Variants in DNAJB11 observed in about 807,000 individuals in gnomAD.
DNAJB11 encodes the protein dnaJ homolog subfamily B member 11.
A neutral mutation model predicts 47.2 loss-of-function variants in DNAJB11; 30 were observed. The ratio of observed to expected loss-of-function variants is 0.64; its 90% CI spans 0.48 to 0.86. The LOEUF (loss-of-function observed/expected upper bound fraction) is 0.86. Among genes scored for constraint, DNAJB11 ranks in the 40% least tolerant of loss-of-function variants. The pLI, the probability that DNAJB11 is intolerant of heterozygous loss-of-function variation, is 0.00. For missense variants in DNAJB11, 357 were observed against 440.2 expected (o/e 0.81, Z 1.69); for synonymous variants, 151 against 159.9 (o/e 0.94, Z 0.42).
At chr3:186,571,026 A>ACTGCTTTGGGGGGGGGGGGGGG in intron 1 of DNAJB11, 61 bp downstream of exon 1, 2 of 221,222 alleles carry the variant, frequency 9.0e-6, no homozygotes, top group African/African-American at 5.2e-5. Flanking sequence ...GGGGGGTGGG[A>ACTGCTTTGGGGGGGGGGGGGGG]GGGGGTGGGG....
intron 3 of DNAJB11, among the ~76,000 whole-genome samples, chr3:186,576,786 C>T (rs767086406): frequency 6.6e-6 from 1 of 152,104 alleles, no homozygotes; most frequent in Non-Finnish European, 1.5e-5. Context: ...ATCAATTTGG[C>T]TGGCTGAAGT....
Position 186,570,798 on chromosome 3 carries a change from G to A in DNAJB11, c.-100G>A, listed in dbSNP as rs1407612643. On this transcript the variant is annotated 5_prime_UTR_variant, in exon 1 of 10. In the 5' UTR this introduces an upstream ATG that the reference lacks. Transcript: ENST00000265028. ...CCAAGGAGACCCCCGCGCCCCCCCG[G>A]TGTGAGGCGGCCTCACAGGGCCGGG... is the stretch of plus-strand genomic sequence containing the variant. 1 of 1,112,366 alleles carries A rather than the reference G, an allele frequency of 9.0e-7. No homozygotes were observed. Among genetic ancestry groups the A allele is most frequent in the African/African-American group, 1.6e-5 (1 of 63,204 alleles). 68.9% of individuals were successfully genotyped at this position (1,112,366 alleles called of 1,614,324 possible).
intron 2 of DNAJB11, among the ~76,000 whole-genome samples, chr3:186,573,753 A>G (rs369839036): frequency 6.6e-6 from 1 of 152,122 alleles, no homozygotes; most frequent in African/African-American, 2.4e-5. Flanking sequence ...ATCCTAAATT[A>G]TATGTAATAT....
Position 186,577,456 on chromosome 3 carries a change from A to T in DNAJB11, c.324-212A>T, listed in dbSNP as rs547706918. 3.3e-5 allele frequency among the ~76,000 whole-genome samples: 5 copies of T among 152,298 alleles called. No homozygotes were observed. The South Asian group carries it at 1.0e-3, about 32-fold the overall frequency. On this transcript the variant is annotated intron_variant, in intron 3 of 9. Transcript: ENST00000265028. The stretch of plus-strand genomic sequence containing the variant: ...TTTGTTAAAAAGTGGATTTTTTTGT[A>T]GTAAGGGACCGTATAGTTACAACAT...
chr3:186,584,211 G>A lies in DNAJB11; in HGVS notation c.853-219G>A, dbSNP rs144054859. 2.0e-3 allele frequency among the ~76,000 whole-genome samples: 298 copies of A among 152,298 alleles called. 3 individuals are homozygous for A. The highest frequency in any genetic ancestry group is 6.8e-3 in the African/African-American group (284 of 41,568). ...TCTTGTCCTTATAGTTTCTATTGAC[G>A]AAAACCTTTCTTTGTTTACTTGTTT... On this transcript the variant is annotated intron_variant, in intron 8 of 9. Coordinates refer to ENST00000265028, the MANE Select transcript of DNAJB11 (RefSeq NM_016306.6).
chr3:186,584,703 C>T, intron 9 of DNAJB11, 114 bp downstream of exon 9: 1 of 1,087,014 alleles, frequency 9.2e-7, no homozygotes, highest in South Asian at 2.0e-5. Context: ...AGACATCAAT[C>T]ATTAATGCTA....
In DNAJB11 at chr3:186,583,899, T is replaced by C. The variant is rs1300342941; in HGVS notation, c.775T>C (p.Tyr259His). The stretch of plus-strand genomic sequence containing the variant: ...ATTTGAAAGGAGAGGAGATGATTTG[T>C]ACACAAATGTGACAATCTCATTAGT... Reference protein sequence around the residue: ...PIFERRGDDLYTNVTISLVES... With the variant: ...PIFERRGDDLHTNVTISLVES... Residue 259 changes from tyrosine to histidine, a missense_variant, in exon 8 of 10, where the codon TAC becomes CAC. Coordinates refer to ENST00000265028, the MANE Select transcript of DNAJB11 (RefSeq NM_016306.6). 6.2e-7 allele frequency: 1 copy of C among 1,613,662 alleles called. No homozygotes were observed. Among genetic ancestry groups the C allele is most frequent in the Non-Finnish European group, 8.5e-7 (1 of 1,179,578 alleles).
At chr3:186,571,580 A>G (rs1715057787) in intron 1 of DNAJB11, among the ~76,000 whole-genome samples, 1 of 152,180 alleles carries the variant, frequency 6.6e-6, no homozygotes, top group Non-Finnish European at 1.5e-5. Flanking sequence ...TTCTTGAGCT[A>G]TTTATTATCT....
At position 186,570,962 on chromosome 3, in the gene DNAJB11, C is replaced by A; in HGVS notation, c.65C>A (p.Ala22Asp). Residue 22 changes from alanine to aspartate, a missense_variant, in exon 1 of 10, where the codon GCC becomes GAC. Physicochemically the swap from Ala to Asp is moderately radical, Grantham distance 126. Transcript: ENST00000265028. ...CTATACCTCATCGGGGCGGTGATTG[C>A]CGGGTGAGGAACAGACACTCGCAGA... is the stretch of plus-strand genomic sequence containing the variant. Reference protein sequence around the residue: ...LLLYLIGAVIAGRDFYKILGV... With the variant: ...LLLYLIGAVIDGRDFYKILGV... 1 of 1,539,170 alleles carries A rather than the reference C, an allele frequency of 6.5e-7. No homozygotes were observed. The highest frequency in any genetic ancestry group is 8.8e-7 in the Non-Finnish European group (1 of 1,136,476).
intron 5 of DNAJB11, 118 bp from the exon 6 acceptor site, chr3:186,581,877 A>G: frequency 1.3e-6 from 1 of 795,194 alleles, no homozygotes; most frequent in Non-Finnish European, 2.0e-6. Flanking sequence ...TGTCAAGTAG[A>G]GGCACACTAC....
Position 186,582,051 on chromosome 3 carries a change from G to C in DNAJB11, c.656G>C (p.Gly219Ala), listed in dbSNP as rs370808915. 3 of 1,613,486 alleles carry C rather than the reference G, an allele frequency of 1.9e-6. No individual in the cohort carries two copies. The highest frequency in any genetic ancestry group is 2.5e-6 in the Non-Finnish European group (3 of 1,179,618). ...EVEIEPGVRD[G>A]MEYPFIGEGE... ...GAAATAGAGCCTGGGGTGAGAGACG[G>C]CATGGAGTACCCCTTTATTGGAGAA... is the stretch of plus-strand genomic sequence containing the variant. Residue 219 changes from glycine to alanine, a missense_variant, in exon 6 of 10, where the codon GGC becomes GCC. Transcript: ENST00000265028.
Position 186,577,741 on chromosome 3 carries a change from G to A in DNAJB11, c.397G>A (p.Asp133Asn), listed in dbSNP as rs1173606608. The A allele has an allele frequency of 6.2e-6, 10 of 1,608,746 alleles. No individual in the cohort carries two copies. Among genetic ancestry groups the A allele is most frequent in the Non-Finnish European group, 8.5e-6 (10 of 1,177,822 alleles). ...QQDRNIPRGS[D>N]IIVDLEVTLE... ...AGACAGAAATATTCCAAGAGGAAGT[G>A]ATATTATTGTAGATCTAGAAGTCAC... Residue 133 changes from aspartate to asparagine, a missense_variant, in exon 4 of 10, where the codon GAT (aspartate) becomes AAT (asparagine). By Grantham distance (23) the Asp-to-Asn change is conservative (BLOSUM62 1). Coordinates refer to ENST00000265028, the MANE Select transcript of DNAJB11 (RefSeq NM_016306.6).
intron 2 of DNAJB11, among the ~76,000 whole-genome samples, chr3:186,573,881 A>G (rs1007430089): frequency 1.3e-5 from 2 of 152,236 alleles, no homozygotes; most frequent in Non-Finnish European, 2.9e-5. Context: ...TGAATTTACC[A>G]TGCTCTCTAA....
chr3:186,575,396 T>C lies in DNAJB11; in HGVS notation c.226-444T>C, dbSNP rs1715253768. ...GTGTGTGTGTGTGTGTGTGTGTCTG[T>C]GTGTGTGTGTTTTGGGTAGGGGGTG... On this transcript the variant is annotated intron_variant, in intron 2 of 9. Coordinates refer to ENST00000265028, the MANE Select transcript of DNAJB11 (RefSeq NM_016306.6). Among the ~76,000 whole-genome samples the C allele has an allele frequency of 2.6e-5, 4 of 151,956 alleles. No individual in the cohort carries two copies. The South Asian group carries it at 8.3e-4, about 32-fold the overall frequency.
intron 2 of DNAJB11, among the ~76,000 whole-genome samples, chr3:186,573,076 C>T (rs919145091): frequency 2.6e-5 from 4 of 152,052 alleles, no homozygotes; most frequent in Admixed American, 1.3e-4. Flanking sequence ...ACTAGGACAC[C>T]AGGAAATATA....
At chr3:186,584,101 C>G in intron 8 of DNAJB11, 125 bp downstream of exon 8, 1 of 725,702 alleles carries the variant, frequency 1.4e-6, no homozygotes, top group South Asian at 1.7e-5. Flanking sequence ...ATTCTGCCGT[C>G]TGTACTTACT....
At position 186,583,984 on chromosome 3, in the gene DNAJB11, A is replaced by T; in HGVS notation, c.852+8A>T. 1 of 1,589,654 alleles carries T rather than the reference A, an allele frequency of 6.3e-7. No homozygotes were observed. The highest frequency in any genetic ancestry group is 8.6e-7 in the Non-Finnish European group (1 of 1,158,236). ...CACTTGGATGGTCACAAGGTAAACA[A>T]ACCAATTTACTCGTTCTGCATCCTT... On this transcript the variant is annotated splice_region_variant and intron_variant, in intron 8 of 9. Coordinates refer to ENST00000265028, the MANE Select transcript of DNAJB11 (RefSeq NM_016306.6).
Position 186,582,757 on chromosome 3 carries a change from C to T in DNAJB11, c.724C>T (p.Arg242Ter), listed in dbSNP as rs765764090. ...VDGEPGDLRF[R>*]IKVVKHPIFE... ...TGGGGAGCCTGGAGATTTACGGTTC[C>T]GAATCAAAGTTGTCAAGTAAGTAAT... The change falls in exon 7 of 10, where the codon CGA (arginine) becomes TGA (stop). Residue 242 changes from arginine (R) to a stop codon, truncating the protein, a stop_gained. Coordinates refer to ENST00000265028, the MANE Select transcript of DNAJB11 (RefSeq NM_016306.6). LOFTEE classifies it high-confidence loss of function. 3.2e-6 allele frequency: 5 copies of T among 1,585,980 alleles called. No homozygotes were observed. Among genetic ancestry groups the T allele is most frequent in the Non-Finnish European group, 4.3e-6 (5 of 1,164,382 alleles).
chr3:186,585,294 G>T, intron 9 of DNAJB11, 50 bp from the exon 10 acceptor site: 1 of 1,493,100 alleles, frequency 6.7e-7, no homozygotes, highest in Non-Finnish European at 9.2e-7. Context: ...TAAACGCTAG[G>T]AAAGTAACAT....
Sources: gnomAD v4.1 joint callset for allele counts (sites outside exome capture counted in the v4.1 genomes callset) on GRCh38, gnomAD v4.1.1 for gene constraint, MANE v1.5 for transcripts, NCBI Gene and HGNC (gene_info 2026-07-23, HGNC 2026-07-21) for gene names.